The following NT5C3A variants were observed in gnomAD, a reference collection of about 807,000 sequenced individuals.
NT5C3A encodes the protein cytosolic 5'-nucleotidase 3A.
A neutral mutation model predicts 40.0 loss-of-function variants in NT5C3A; 23 were observed. The observed-to-expected ratio is 0.58, with a 90% CI of 0.41 to 0.81. The LOEUF (loss-of-function observed/expected upper bound fraction) is 0.81, where lower values mean the gene tolerates loss of function less well. NT5C3A is among the 40% of genes least tolerant of loss of function. NT5C3A has a pLI of 0.00. For missense variants in NT5C3A, 328 were observed against 403.0 expected (o/e 0.81, Z 1.59); for synonymous variants, 130 against 141.4 (o/e 0.92, Z 0.57).
At position 33,026,863 on chromosome 7, in the gene NT5C3A, T is replaced by C; in HGVS notation, c.191A>G (p.Glu64Gly). ...TTTGATAAGACCACAGATAATTTCT[T>C]CTACTCTTGTAGGGTTCTTGATTCG... Reference protein sequence around the residue: ...SVRIKNPTRVEEIICGLIKGG... With the variant: ...SVRIKNPTRVGEIICGLIKGG... Residue 64 changes from glutamate (E) to glycine (G), a missense_variant, in exon 2 of 9, where the codon GAA becomes GGA. Glu to Gly is a moderately conservative substitution (Grantham distance 98, BLOSUM62 -2). Coordinates refer to ENST00000610140, the MANE Select transcript of NT5C3A (RefSeq NM_001002010.5). The C allele has an allele frequency of 6.2e-7, 1 of 1,612,860 alleles. No homozygotes were observed. The highest frequency in any genetic ancestry group is 1.1e-5 in the South Asian group (1 of 91,050).
intron 1 of NT5C3A, among the ~76,000 whole-genome samples, chr7:33,047,011 G>T (rs1340450765): frequency 1.3e-5 from 2 of 149,918 alleles, no homozygotes; most frequent in Non-Finnish European, 3.0e-5. Flanking sequence ...GCTATGGGGT[G>T]TAGTAGGTTG....
Position 33,056,938 on chromosome 7 carries a change from A to G in NT5C3A, c.138+5630T>C, listed in dbSNP as rs1304972425. Among the ~76,000 whole-genome samples, 2 of 151,934 alleles carry G rather than the reference A, an allele frequency of 1.3e-5. 1 individual carries two copies. The highest frequency in any genetic ancestry group is 4.8e-5 in the African/African-American group (2 of 41,348). ...GTGATTCTCCTGCCTCAGCCTCCCG[A>G]GTAGCTGGGATTACAGGCATGTGCC... On this transcript the variant is annotated intron_variant, in intron 1 of 8. Coordinates refer to ENST00000610140, the MANE Select transcript of NT5C3A (RefSeq NM_001002010.5).
chr7:33,044,327 C>A (rs1044686681), intron 1 of NT5C3A, among the ~76,000 whole-genome samples: 1 of 152,108 alleles, frequency 6.6e-6, no homozygotes, highest in African/African-American at 2.4e-5. Context: ...GGAATAAGGA[C>A]ACAAGCAAAG....
At chr7:33,039,049 T>C (rs10280692) in intron 1 of NT5C3A, 255,424 of 368,838 alleles carry the variant, frequency 0.69, 89,455 homozygotes, top group African/African-American at 0.77. Context: ...AGGTCTCTAC[T>C]ATAGCAGAGT....
At chr7:33,029,826 C>A in intron 1 of NT5C3A, 1 of 554,542 alleles carries the variant, frequency 1.8e-6, no homozygotes, top group Non-Finnish European at 3.0e-6. Flanking sequence ...TTCAGCCTCC[C>A]AAAGTGCTGG....
Position 33,018,615 on chromosome 7 carries a change from C to T in NT5C3A, c.531-1014G>A, listed in dbSNP as rs141743236. Among the ~76,000 whole-genome samples, 40 of 152,088 alleles carry T rather than the reference C, an allele frequency of 2.6e-4. No individual in the cohort carries two copies. The East Asian group carries it at 6.6e-3, about 25-fold the overall frequency. On this transcript the variant is annotated intron_variant, in intron 6 of 8. Transcript: ENST00000610140. ...CCTGTAACCCCAGCACTTTGGGAGGCGGAGATGCGCAGATCACAAGGTCAG... is the reference window on the plus strand; with the variant it reads ...CCTGTAACCCCAGCACTTTGGGAGGTGGAGATGCGCAGATCACAAGGTCAG...
rs777508029 is a variant in NT5C3A, at chr7:33,019,582, G to C, written c.530+53C>G. ...AAAAGTACAACTGACTACATAAATA[G>C]CAATAATTCAAGTCTGTGAACAATA... is the stretch of plus-strand genomic sequence containing the variant. On this transcript the variant is annotated intron_variant, in intron 6 of 8. Coordinates refer to ENST00000610140, the MANE Select transcript of NT5C3A (RefSeq NM_001002010.5). 1.3e-5 allele frequency: 13 copies of C among 1,007,198 alleles called. 1 individual carries two copies. Among genetic ancestry groups the C allele is most frequent in the Middle Eastern group, 5.0e-4 (2 of 4,034 alleles). 62.4% of individuals were successfully genotyped at this position (1,007,198 alleles called of 1,614,324 possible).
chr7:33,016,751 CTATTTTATGT>C (rs1785353240), intron 7 of NT5C3A, among the ~76,000 whole-genome samples: 2 of 151,478 alleles, frequency 1.3e-5, no homozygotes, highest in South Asian at 2.1e-4. Context: ...CCAAAATATC[CTATTTTATGT>C]TATTTTATGT....
In NT5C3A at chr7:33,026,860, T is replaced by C; in HGVS notation, c.194A>G (p.Glu65Gly). Reference protein sequence around the residue: ...VRIKNPTRVEEIICGLIKGGA... With the variant: ...VRIKNPTRVEGIICGLIKGGA... ...TCCTTTGATAAGACCACAGATAATT[T>C]CTTCTACTCTTGTAGGGTTCTTGAT... Residue 65 changes from glutamate (E) to glycine (G), a missense_variant, in exon 2 of 9, where the codon GAA (glutamate) becomes GGA (glycine). Physicochemically the swap from Glu to Gly is moderately conservative, Grantham distance 98 (BLOSUM62 -2). Transcript: ENST00000610140. 2 of 1,612,784 alleles carry C rather than the reference T, an allele frequency of 1.2e-6. No homozygotes were observed. The highest frequency in any genetic ancestry group is 1.7e-6 in the Non-Finnish European group (2 of 1,179,800).
chr7:33,048,933 C>A (rs1787259121), intron 1 of NT5C3A, among the ~76,000 whole-genome samples: 1 of 152,106 alleles, frequency 6.6e-6, no homozygotes, highest in Non-Finnish European at 1.5e-5. Flanking sequence ...ATAATTAAAT[C>A]TACTTTAAGA....
chr7:33,027,221 T>C (rs1008451450), intron 1 of NT5C3A, among the ~76,000 whole-genome samples: 3 of 152,152 alleles, frequency 2.0e-5, no homozygotes, highest in Admixed American at 6.5e-5. Flanking sequence ...TGCGCCATCA[T>C]ACCCAGCTAA....
chr7:33,035,189 G>GTTTTTTT (rs35769309), intron 1 of NT5C3A, among the ~76,000 whole-genome samples: 6 of 106,182 alleles, frequency 5.7e-5, no homozygotes, highest in African/African-American at 1.1e-4. Flanking sequence ...TAAGGAATGA[G>GTTTTTTT]TTTTTTTTTT....
intron 1 of NT5C3A, among the ~76,000 whole-genome samples, chr7:33,039,177 G>A (rs1786773656): frequency 6.6e-6 from 1 of 151,946 alleles, no homozygotes; most frequent in African/African-American, 2.4e-5. Flanking sequence ...TCTGATGATA[G>A]TTTACAAGTC....
At chr7:33,045,470 T>G (rs1212057812) in intron 1 of NT5C3A, among the ~76,000 whole-genome samples, 1 of 152,156 alleles carries the variant, frequency 6.6e-6, no homozygotes, top group African/African-American at 2.4e-5. Context: ...AAATTTTTTT[T>G]TTTTTTTGAG....
chr7:33,055,318 G>A (rs1454551816), intron 1 of NT5C3A, among the ~76,000 whole-genome samples: 6 of 149,698 alleles, frequency 4.0e-5, no homozygotes, highest in East Asian at 1.9e-4. Context: ...ACTTGGTGTC[G>A]GAAAAAAAAA....
intron 1 of NT5C3A, among the ~76,000 whole-genome samples, chr7:33,057,705 C>T (rs982275313): frequency 2.6e-5 from 4 of 151,870 alleles, no homozygotes; most frequent in East Asian, 3.8e-4. Context: ...TTCTAGTGAT[C>T]GTTCCATCTC....
intron 1 of NT5C3A, among the ~76,000 whole-genome samples, chr7:33,049,282 A>T (rs1388699591): frequency 6.6e-6 from 1 of 152,188 alleles, no homozygotes; most frequent in Non-Finnish European, 1.5e-5. Flanking sequence ...GCATAAGAGT[A>T]TTTAGGTGAA....
intron 7 of NT5C3A, among the ~76,000 whole-genome samples, chr7:33,016,089 A>G (rs1266216929): frequency 6.6e-6 from 1 of 152,166 alleles, no homozygotes; most frequent in Admixed American, 6.5e-5. Flanking sequence ...AAATGGTAAA[A>G]CAAAGGCCGG....
At chr7:33,052,961 G>T (rs1400651792) in intron 1 of NT5C3A, among the ~76,000 whole-genome samples, 2 of 152,134 alleles carry the variant, frequency 1.3e-5, no homozygotes, top group East Asian at 3.9e-4. Flanking sequence ...ACTAGTATAT[G>T]GGATCCTGTA....
Sources: allele counts gnomAD v4.1 joint callset (sites outside exome capture counted in the v4.1 genomes callset), GRCh38; gene constraint gnomAD v4.1.1; transcripts MANE v1.5; gene names NCBI Gene and HGNC (gene_info 2026-07-23, HGNC 2026-07-21).